SUCO: variants seen among roughly 807,000 people sequenced by gnomAD.
The protein encoded by SUCO is SUN domain-containing ossification factor.
A neutral mutation model predicts 148.1 loss-of-function variants in SUCO; 57 were observed. The ratio of observed to expected loss-of-function variants is 0.38; its 90% confidence interval spans 0.31 to 0.48. SUCO has a LOEUF of 0.48. Among genes scored for constraint, SUCO ranks in the 20% least tolerant of loss-of-function variants. The pLI, the probability that SUCO is intolerant of heterozygous loss-of-function variation, is 0.96. For synonymous variants in SUCO, 470 were observed against 502.7 expected, an observed-to-expected ratio of 0.93 and a Z score of 0.87; for missense variants, 1,331 against 1,468.2, an observed-to-expected ratio of 0.91 and a Z score of 1.53.
At position 172,611,759 on chromosome 1, in the gene SUCO, A is replaced by G. The variant is rs562990847; in HGVS notation, c.*1500A>G. The G allele has an allele frequency of 9.2e-5, 14 of 152,628 alleles. No homozygotes were observed. The highest frequency in any genetic ancestry group is 1.9e-4 in the East Asian group (1 of 5,200). The allele number at this position is 152,628 out of a possible 1,614,324, so 9.5% of individuals were successfully genotyped here. On this transcript the variant is annotated 3_prime_UTR_variant, in exon 24 of 24. Coordinates refer to ENST00000263688, the MANE Select transcript of SUCO (RefSeq NM_014283.5). ...GTGTGTTGTGGGAAGAGAATTTTCA[A>G]TATGTAACTACGGAGCTGTAGTGCC...
intron 1 of SUCO, among the ~76,000 whole-genome samples, chr1:172,537,457 T>G (rs1652110207): frequency 6.6e-6 from 1 of 152,158 alleles, no homozygotes; most frequent in African/African-American, 2.4e-5. Context: ...CTTGCATTAT[T>G]AAATTCTTTG....
intron 22 of SUCO, among the ~76,000 whole-genome samples, chr1:172,603,435 T>C (rs1331322955): frequency 6.6e-6 from 1 of 152,046 alleles, no homozygotes; most frequent in Non-Finnish European, 1.5e-5. Context: ...AATCGATGGT[T>C]GTAGGATTTA....
chr1:172,575,140 A>G (rs549633856), intron 10 of SUCO, among the ~76,000 whole-genome samples: 2 of 152,142 alleles, frequency 1.3e-5, no homozygotes, highest in East Asian at 1.9e-4. Flanking sequence ...TTTTCTTCCC[A>G]TTCTCTTTCC....
intron 17 of SUCO, among the ~76,000 whole-genome samples, chr1:172,587,841 A>G (rs747903886): frequency 5.3e-5 from 8 of 151,988 alleles, no homozygotes; most frequent in Non-Finnish European, 8.8e-5. Flanking sequence ...TTCATATTGG[A>G]CTTTTTATGT....
Position 172,534,370 on chromosome 1 carries a change from C to CTTCTT in SUCO, c.62+876_62+877insTTTTC, listed in dbSNP as rs556220695. ...ACAATTGATGACTGAAAAGATGCTT[C>CTTCTT]TTCAGTCTAGGCGATTTGCTGTTTG... On this transcript the variant is annotated intron_variant, in intron 1 of 23. Transcript: ENST00000263688. Among the ~76,000 whole-genome samples, 42 of 152,302 alleles carry CTTCTT rather than the reference C, an allele frequency of 2.8e-4. 1 individual carries two copies. The South Asian group carries it at 8.7e-3, about 32-fold the overall frequency.
At chr1:172,579,306 T>G in intron 15 of SUCO, 39 bp downstream of exon 15, 15 of 1,299,622 alleles carry the variant, frequency 1.2e-5, no homozygotes, top group Non-Finnish European at 1.7e-5. Flanking sequence ...TCTACTACTT[T>G]TTCATTCTGA....
chr1:172,534,617 A>C (rs1651876971), intron 1 of SUCO, among the ~76,000 whole-genome samples: 1 of 152,128 alleles, frequency 6.6e-6, no homozygotes, highest in African/African-American at 2.4e-5. Context: ...AAAACAATTG[A>C]CTTATTACCT....
rs1425951488 is a variant in SUCO at position 172,589,784 on chromosome 1, A to T, written c.2683A>T (p.Thr895Ser). 2.5e-6 allele frequency: 4 copies of T among 1,612,564 alleles called. No individual in the cohort carries two copies. In the Admixed American group the frequency reaches 6.7e-5, roughly 27 times the overall value. The change falls in exon 18 of 24, where the codon ACA (threonine) becomes TCA (serine). Residue 895 changes from threonine to serine, a missense_variant. By Grantham distance (58) the Thr-to-Ser change is moderately conservative. Coordinates refer to ENST00000263688, the MANE Select transcript of SUCO (RefSeq NM_014283.5). ...TDFYAELQNS[T>S]DLGYANGNLV... is the part of the protein sequence containing the mutation. ...TTTTTATGCTGAATTGCAAAATTCT[A>T]CAGATCTAGGATATGCTAATGGAAA...
intron 6 of SUCO, among the ~76,000 whole-genome samples, chr1:172,566,720 A>G (rs940584108): frequency 6.6e-6 from 1 of 152,210 alleles, no homozygotes; most frequent in African/African-American, 2.4e-5. Context: ...AAATGGTGGT[A>G]ACTTCCAGGT....
At chr1:172,572,333 CTT>C (rs1470045773) in intron 9 of SUCO, among the ~76,000 whole-genome samples, 1 of 151,808 alleles carries the variant, frequency 6.6e-6, no homozygotes, top group Non-Finnish European at 1.5e-5. Flanking sequence ...ACACGGGAGA[CTT>C]TTCATTTTGT....
chr1:172,585,213 G>T, intron 16 of SUCO, 127 bp downstream of exon 16: 1 of 847,816 alleles, frequency 1.2e-6, no homozygotes. Flanking sequence ...TAATTCAGAG[G>T]AACTTACCAA....
chr1:172,594,559 G>C (rs1656937215), intron 19 of SUCO, among the ~76,000 whole-genome samples: 1 of 152,114 alleles, frequency 6.6e-6, no homozygotes, highest in Non-Finnish European at 1.5e-5. Flanking sequence ...TTCAGGAGCA[G>C]ATTGTTCAGT....
chr1:172,534,333 C>T (rs958883742), intron 1 of SUCO, among the ~76,000 whole-genome samples: 2 of 152,162 alleles, frequency 1.3e-5, no homozygotes, highest in South Asian at 2.1e-4. Context: ...GGAATTTCTT[C>T]AAAGATGTGT....
chr1:172,600,071 G>A lies in SUCO; in HGVS notation c.2921G>A (p.Arg974Gln), dbSNP rs765607840. 5.0e-6 allele frequency: 8 copies of A among 1,599,818 alleles called. No homozygotes were observed. The Admixed American group carries it at 5.4e-5, about 11-fold the overall frequency. ...TSRIAEEQDQRQTEAIQLLQA... is the reference protein window; with the variant it reads ...TSRIAEEQDQQQTEAIQLLQA... ...TAAATTCCTTTATCATAGGATCAGCGGCAAACTGAAGCCATCCAGTTGCTA... is the reference window on the plus strand; with the variant it reads ...TAAATTCCTTTATCATAGGATCAGCAGCAAACTGAAGCCATCCAGTTGCTA... The change falls in exon 20 of 24, where the codon CGG becomes CAG. Residue 974 changes from arginine (R) to glutamine (Q), a missense_variant. Around this residue, in one of 3 missense-constraint regions of SUCO, gnomAD observed 334 missense variants for 352.3 expected, o/e 0.95. Coordinates refer to ENST00000263688, the MANE Select transcript of SUCO (RefSeq NM_014283.5).
chr1:172,545,893 TGTCC>T (rs569610667), intron 1 of SUCO, among the ~76,000 whole-genome samples: 6 of 152,198 alleles, frequency 3.9e-5, no homozygotes, highest in South Asian at 2.1e-4. Context: ...TCCGTCCTTC[TGTCC>T]GTCCGTCCGT....
chr1:172,565,751 C>T (rs1261159827), intron 6 of SUCO, among the ~76,000 whole-genome samples: 1 of 152,194 alleles, frequency 6.6e-6, no homozygotes, highest in Non-Finnish European at 1.5e-5. Flanking sequence ...AATAAGACTG[C>T]ACACATTTTA....
intron 22 of SUCO, among the ~76,000 whole-genome samples, chr1:172,603,614 TA>T (rs1325889962): frequency 6.6e-6 from 1 of 152,004 alleles, no homozygotes; most frequent in Admixed American, 6.6e-5. Context: ...TTTTGGTTGA[TA>T]TGTCTTTTTA....
chr1:172,541,088 A>G (rs1652420098), intron 1 of SUCO, among the ~76,000 whole-genome samples: 1 of 152,192 alleles, frequency 6.6e-6, no homozygotes, highest in Non-Finnish European at 1.5e-5. Context: ...CAGGTTGAAA[A>G]TATATTTTAA....
chr1:172,600,774 T>G (rs1034518315), intron 20 of SUCO, among the ~76,000 whole-genome samples: 3 of 151,902 alleles, frequency 2.0e-5, no homozygotes, highest in Non-Finnish European at 4.4e-5. Flanking sequence ...TAGAGTGATC[T>G]TGGAAGGCTT....
Sources: gnomAD v4.1 joint callset for allele counts (sites outside exome capture counted in the v4.1 genomes callset) on GRCh38, gnomAD v4.1.1 for gene constraint, gnomAD v4.1.1 regional missense constraint, MANE v1.5 for transcripts, NCBI Gene and HGNC (gene_info 2026-07-23, HGNC 2026-07-21) for gene names.